The following UBE3D variants were observed in gnomAD, a reference collection of about 807,000 sequenced individuals.
UBE3D encodes ubiquitin protein ligase E3D.
UBE3D carries 48 observed loss-of-function variants against 49.6 expected under a neutral mutation model. The ratio of observed to expected loss-of-function variants is 0.97; its 90% CI spans 0.77 to 1.23. UBE3D has a LOEUF of 1.23. UBE3D is among the 50% of genes most tolerant of loss of function. UBE3D has a pLI of 0.00. For synonymous variants in UBE3D, 189 were observed against 174.2 expected, an observed-to-expected ratio of 1.08 and a Z score of -0.67; for missense variants, 452 against 468.4, an observed-to-expected ratio of 0.96 and a Z score of 0.32.
chr6:83,010,895 C>T (rs1223819974), intron 8 of UBE3D, among the ~76,000 whole-genome samples: 1 of 152,092 alleles, frequency 6.6e-6, no homozygotes, highest in African/African-American at 2.4e-5. Flanking sequence ...TGTTAATCTC[C>T]TTTGGCAACA....
intron 8 of UBE3D, chr6:83,017,682 G>A (rs899132012): frequency 6.6e-6 from 1 of 152,062 alleles, no homozygotes; most frequent in Non-Finnish European, 1.5e-5. Flanking sequence ...AATTCATGAT[G>A]CCTTTTTACA....
At chr6:82,962,282 T>C (rs1371638187) in intron 8 of UBE3D, among the ~76,000 whole-genome samples, 2 of 152,222 alleles carry the variant, frequency 1.3e-5, no homozygotes, top group Non-Finnish European at 2.9e-5. Context: ...TTTTAAATGC[T>C]ACTTAAAAGT....
intron 9 of UBE3D, among the ~76,000 whole-genome samples, chr6:82,930,769 C>T (rs1239019455): frequency 1.3e-5 from 2 of 152,060 alleles, no homozygotes; most frequent in African/African-American, 4.8e-5. Context: ...AAGTGTTTAA[C>T]AGGAAGCAGA....
chr6:83,059,878 C>T (rs1237381733), intron 1 of UBE3D, among the ~76,000 whole-genome samples: 1 of 152,160 alleles, frequency 6.6e-6, no homozygotes, highest in South Asian at 2.1e-4. Flanking sequence ...GGTGTCAAAT[C>T]CCAAGACAGG....
intron 8 of UBE3D, among the ~76,000 whole-genome samples, chr6:82,963,426 T>C (rs189671951): frequency 6.6e-6 from 1 of 152,242 alleles, no homozygotes; most frequent in Admixed American, 6.5e-5. Context: ...GACAGATAGA[T>C]ATATAGGGAA....
intron 5 of UBE3D, among the ~76,000 whole-genome samples, chr6:83,025,191 AG>A (rs1371517228): frequency 6.6e-6 from 1 of 152,190 alleles, no homozygotes; most frequent in Non-Finnish European, 1.5e-5. Flanking sequence ...CTACCTGAAA[AG>A]GGGTTTTTAA....
At chr6:82,891,897 G>A (rs549684549), downstream of UBE3D, among the ~76,000 whole-genome samples, 1 of 152,256 alleles carries the variant, frequency 6.6e-6, no homozygotes, top group East Asian at 1.9e-4. Flanking sequence ...TGTGATGGTG[G>A]GTGCCTGTAA....
chr6:82,950,751 A>G (rs1775730850), intron 9 of UBE3D, among the ~76,000 whole-genome samples: 2 of 152,220 alleles, frequency 1.3e-5, no homozygotes, highest in Non-Finnish European at 2.9e-5. Context: ...GCACATACAC[A>G]CAATGGAATA....
At chr6:82,948,177 T>C (rs1775538623) in intron 9 of UBE3D, among the ~76,000 whole-genome samples, 2 of 151,300 alleles carry the variant, frequency 1.3e-5, no homozygotes, top group South Asian at 4.2e-4. Context: ...ATAAATAAAA[T>C]CAGAGATGAA....
At position 82,941,070 on chromosome 6, in the gene UBE3D, G is replaced by A. The variant is rs771092932; in HGVS notation, c.1149+16242C>T. 5.7e-4 allele frequency among the ~76,000 whole-genome samples: 86 copies of A among 152,060 alleles called. 1 individual carries two copies. Among genetic ancestry groups the A allele is most frequent in the East Asian group, 7.8e-4 (4 of 5,156 alleles). The stretch of plus-strand genomic sequence containing the variant: ...TCTATTAAAAACACAAAAATTAGCC[G>A]GGTGTGGCGTCTGTAATCTCAGCTA... On this transcript the variant is annotated intron_variant, in intron 9 of 9. Coordinates refer to ENST00000369747, the MANE Select transcript of UBE3D (RefSeq NM_198920.3).
intron 8 of UBE3D, among the ~76,000 whole-genome samples, chr6:82,964,723 A>C (rs1776788825): frequency 1.3e-5 from 2 of 152,176 alleles, no homozygotes; most frequent in African/African-American, 4.8e-5. Context: ...TTAATACATA[A>C]CCAAAATTTT....
chr6:83,047,038 G>A (rs143492821), intron 3 of UBE3D, among the ~76,000 whole-genome samples: 4,940 of 152,216 alleles, frequency 0.032, 113 homozygotes, highest in Admixed American at 0.065. Context: ...TGCTCCTAAC[G>A]TATATCATGA....
At chr6:82,913,560 C>T (rs1181724529) in intron 9 of UBE3D, among the ~76,000 whole-genome samples, 1 of 152,172 alleles carries the variant, frequency 6.6e-6, no homozygotes, top group African/African-American at 2.4e-5. Context: ...CTGGGCCTTA[C>T]CTGTCACCAT....
intron 5 of UBE3D, among the ~76,000 whole-genome samples, chr6:83,031,051 A>G (rs887822332): frequency 3.3e-5 from 5 of 152,138 alleles, no homozygotes; most frequent in African/African-American, 1.2e-4. Context: ...TCTGTTGCCC[A>G]GGCTGGAGTG....
At chr6:83,001,092 C>T (rs111393373) in intron 8 of UBE3D, among the ~76,000 whole-genome samples, 3,168 of 152,216 alleles carry the variant, frequency 0.021, 123 homozygotes, top group African/African-American at 0.072. Context: ...GATCTGCCAG[C>T]GTTGGCTTCC....
At chr6:82,910,273 C>T (rs182008844) in intron 9 of UBE3D, among the ~76,000 whole-genome samples, 5 of 152,292 alleles carry the variant, frequency 3.3e-5, no homozygotes, top group Admixed American at 6.5e-5. Context: ...ATCTAAATCT[C>T]TGTATATCTC....
At chr6:82,997,484 C>T (rs1391817542) in intron 8 of UBE3D, among the ~76,000 whole-genome samples, 1 of 152,108 alleles carries the variant, frequency 6.6e-6, no homozygotes, top group African/African-American at 2.4e-5. Flanking sequence ...TTTTGGGAGG[C>T]AGAGGCGGGA....
intron 9 of UBE3D, among the ~76,000 whole-genome samples, chr6:82,953,308 A>G (rs1354293678): frequency 6.6e-6 from 1 of 152,184 alleles, no homozygotes; most frequent in Admixed American, 6.5e-5. Flanking sequence ...CATCCTATAT[A>G]TTGATCACTT....
the UBE3D span, among the ~76,000 whole-genome samples, chr6:82,886,192 G>A: frequency 6.6e-6 from 1 of 152,220 alleles, no homozygotes; most frequent in African/African-American, 2.4e-5. Context: ...CTTACGTAAG[G>A]CAGCGGTCCT....
Sources: allele counts gnomAD v4.1 joint callset (sites outside exome capture counted in the v4.1 genomes callset), GRCh38; gene constraint gnomAD v4.1.1; transcripts MANE v1.5; gene names NCBI Gene and HGNC (gene_info 2026-07-23, HGNC 2026-07-21).